ADNP: variants seen among roughly 807,000 people sequenced by gnomAD.
ADNP encodes activity dependent neuroprotector homeobox, also known as activity-dependent neuroprotector homeobox protein.
ADNP carries 4 observed loss-of-function variants against 84.9 expected under a neutral mutation model. The ratio of observed to expected loss-of-function variants is 0.05; its 90% CI spans 0.02 to 0.11. ADNP has a LOEUF of 0.11. Among genes scored for constraint, ADNP ranks in the 10% least tolerant of loss-of-function variants. The pLI is 1.00. For synonymous variants in ADNP, 554 were observed against 468.1 expected, an observed-to-expected ratio of 1.18 and a Z score of -2.37; for missense variants, 1,132 against 1,326.0, an observed-to-expected ratio of 0.85 and a Z score of 2.27.
chr20:50,916,042 C>A (rs947688383), intron 2 of ADNP, among the ~76,000 whole-genome samples: 3 of 152,138 alleles, frequency 2.0e-5, no homozygotes, highest in Non-Finnish European at 2.9e-5. Context: ...TAACCAAATA[C>A]AAAACTGCCT....
Position 50,931,037 on chromosome 20 carries a change from CGGCGGCGTCGTCGAGCGGT to C in ADNP, c.-495_-477del, listed in dbSNP as rs1984715795. ...GCGGGCGCAGCAGAGCGGCGGGCGGCGGCGGCGTCGTCGAGCGGTGCAGACAAAGGAGGGGCGGAGGGAG... is the reference window on the plus strand; with the variant it reads ...GCGGGCGCAGCAGAGCGGCGGGCGGCGCAGACAAAGGAGGGGCGGAGGGAG... On this transcript the variant is annotated 5_prime_UTR_variant, in exon 1 of 6. Coordinates refer to ENST00000621696, the MANE Select transcript of ADNP (RefSeq NM_001282531.3). The C allele has an allele frequency of 2.0e-5, 3 of 147,368 alleles. No homozygotes were observed. Among genetic ancestry groups the C allele is most frequent in the Admixed American group, 2.0e-4 (3 of 14,828 alleles). The allele number at this position is 147,368 out of a possible 1,614,324, so 9.1% of individuals were successfully genotyped here.
chr20:50,909,110 C>G (rs1173727714), intron 2 of ADNP, among the ~76,000 whole-genome samples: 1 of 151,288 alleles, frequency 6.6e-6, no homozygotes, highest in East Asian at 1.9e-4. Flanking sequence ...GTGGCTCACG[C>G]CTATAATCCC....
At chr20:50,896,135 G>A (rs973901037) in intron 5 of ADNP, among the ~76,000 whole-genome samples, 1 of 152,102 alleles carries the variant, frequency 6.6e-6, no homozygotes. Context: ...TGAGGCAGGA[G>A]AATCACTTGA....
intron 2 of ADNP, among the ~76,000 whole-genome samples, chr20:50,914,615 T>C (rs1185625719): frequency 2.0e-5 from 3 of 152,238 alleles, no homozygotes; most frequent in Non-Finnish European, 4.4e-5. Context: ...TGTTGTCACA[T>C]ATTCTTGTAT....
In ADNP at chr20:50,891,694, C is replaced by T; in HGVS notation, c.3020G>A (p.Arg1007Lys). The stretch of plus-strand genomic sequence containing the variant: ...TTTTTTGGCAGCTGGCTTACTGCTC[C>T]TTGCATCTTCGCTTTGGGAAGACTC... The part of the protein sequence containing the change: ...SDESSQSEDA[R>K]SSKPAAKKKA... The change falls in exon 6 of 6, where the codon AGG becomes AAG. Residue 1007 changes from arginine (R) to lysine (K), a missense_variant. Around this residue, in one of 10 missense-constraint regions of ADNP, gnomAD observed 381 missense variants for 319.9 expected, o/e 1.19. Coordinates refer to ENST00000621696, the MANE Select transcript of ADNP (RefSeq NM_001282531.3). The T allele has an allele frequency of 1.2e-6, 2 of 1,614,220 alleles. No individual in the cohort carries two copies. Among genetic ancestry groups the T allele is most frequent in the Non-Finnish European group, 1.7e-6 (2 of 1,180,038 alleles).
chr20:50,918,193 A>G (rs1386950419), intron 2 of ADNP, among the ~76,000 whole-genome samples: 1 of 152,190 alleles, frequency 6.6e-6, no homozygotes, highest in African/African-American at 2.4e-5. Flanking sequence ...CTACTGGGAA[A>G]TTTAAGGCAG....
intron 2 of ADNP, among the ~76,000 whole-genome samples, chr20:50,927,600 T>C (rs996771376): frequency 2.0e-5 from 3 of 152,026 alleles, no homozygotes; most frequent in African/African-American, 7.3e-5. Context: ...CTCATTATGT[T>C]GCCCAAGCTG....
At chr20:50,912,138 C>T (rs963367758) in intron 2 of ADNP, among the ~76,000 whole-genome samples, 1 of 152,054 alleles carries the variant, frequency 6.6e-6, no homozygotes, top group Non-Finnish European at 1.5e-5. Flanking sequence ...ATAAGCTGCA[C>T]TTAGCCTAAA....
At chr20:50,903,054 C>G (rs1014124354) in intron 4 of ADNP, among the ~76,000 whole-genome samples, 15 of 152,172 alleles carry the variant, frequency 9.9e-5, no homozygotes, top group Non-Finnish European at 1.2e-4. Context: ...ACTTCCAATT[C>G]CATTCAAACA....
chr20:50,905,903 A>G (rs1982427970), intron 2 of ADNP, among the ~76,000 whole-genome samples: 1 of 152,192 alleles, frequency 6.6e-6, no homozygotes, highest in African/African-American at 2.4e-5. Flanking sequence ...ATTCTTTATC[A>G]CTTGCTTAAT....
At chr20:50,923,973 C>T (rs1984129706) in intron 2 of ADNP, among the ~76,000 whole-genome samples, 1 of 152,190 alleles carries the variant, frequency 6.6e-6, no homozygotes, top group South Asian at 2.1e-4. Flanking sequence ...ATAAATTCCA[C>T]CATATTTCCA....
Position 50,892,350 on chromosome 20 carries a change from C to A in ADNP, c.2364G>T (p.Lys788Asn). ...TCCATAACCATAAACTGGCTGCTAG[C>A]TTCTCAATTTCTCTCCTGGTGGGAT... ...QPYPTRREIE[K>N]LAASLWLWKS... The change falls in exon 6 of 6, where the codon AAG becomes AAT. Residue 788 changes from lysine to asparagine, a missense_variant. Around this residue, in one of 10 missense-constraint regions of ADNP, gnomAD observed 41 missense variants for 78.4 expected, o/e 0.52. Coordinates refer to ENST00000621696, the MANE Select transcript of ADNP (RefSeq NM_001282531.3). 1 of 1,614,202 alleles carries A rather than the reference C, an allele frequency of 6.2e-7. No homozygotes were observed. The highest frequency in any genetic ancestry group is 2.2e-5 in the East Asian group (1 of 44,892).
intron 2 of ADNP, among the ~76,000 whole-genome samples, chr20:50,919,203 A>G (rs1468183911): frequency 2.0e-5 from 3 of 151,746 alleles, no homozygotes; most frequent in African/African-American, 7.3e-5. Context: ...TGTAGCTCAC[A>G]GCTCCCAGCA....
At chr20:50,914,174 G>A in intron 2 of ADNP, 1 of 787,028 alleles carries the variant, frequency 1.3e-6, no homozygotes, top group Non-Finnish European at 2.2e-6. Flanking sequence ...ACAGCCAAGG[G>A]TAACTTCAAG....
rs948954858 is a variant in ADNP at position 50,931,147 on chromosome 20, C to T, written c.-586G>A. 1 of 150,842 alleles carries T rather than the reference C, an allele frequency of 6.6e-6. No homozygotes were observed. The highest frequency in any genetic ancestry group is 1.5e-5 in the Non-Finnish European group (1 of 67,546). The allele number at this position is 150,842 out of a possible 1,614,324, so 9.3% of individuals were successfully genotyped here. ...CGGCGGCGGCCGCGCTCCTCTCGCTCCTCAGCAGCGGGGACCGAGAGAGGG... is the reference window on the plus strand; with the variant it reads ...CGGCGGCGGCCGCGCTCCTCTCGCTTCTCAGCAGCGGGGACCGAGAGAGGG... On this transcript the variant is annotated 5_prime_UTR_variant, in exon 1 of 6. Transcript: ENST00000621696.
At chr20:50,919,145 A>C (rs1983737942) in intron 2 of ADNP, among the ~76,000 whole-genome samples, 1 of 152,070 alleles carries the variant, frequency 6.6e-6, no homozygotes, top group Admixed American at 6.5e-5. Flanking sequence ...TGATGGACTA[A>C]ACAGAACTCT....
At chr20:50,920,365 G>C (rs1275023977) in intron 2 of ADNP, among the ~76,000 whole-genome samples, 2 of 151,078 alleles carry the variant, frequency 1.3e-5, no homozygotes, top group Non-Finnish European at 2.9e-5. Context: ...CAGATCACTT[G>C]AGGTCAGGAG....
chr20:50,897,314 T>C (rs1229068019), intron 5 of ADNP, among the ~76,000 whole-genome samples: 1 of 152,194 alleles, frequency 6.6e-6, no homozygotes, highest in Non-Finnish European at 1.5e-5. Context: ...TTGAGGGTTC[T>C]TCTTTTGCTT....
At chr20:50,915,715 G>C (rs1192259076) in intron 2 of ADNP, among the ~76,000 whole-genome samples, 2 of 152,178 alleles carry the variant, frequency 1.3e-5, no homozygotes, top group Non-Finnish European at 2.9e-5. Flanking sequence ...CAGCAAGACA[G>C]AGGTAAGAAA....
Sources: allele counts gnomAD v4.1 joint callset (sites outside exome capture counted in the v4.1 genomes callset), GRCh38; gene constraint gnomAD v4.1.1; regional missense constraint gnomAD v4.1.1; transcripts MANE v1.5; gene names NCBI Gene and HGNC (gene_info 2026-07-23, HGNC 2026-07-21).